MYO16: variants seen among roughly 807,000 people sequenced by gnomAD.
The protein encoded by MYO16 is unconventional myosin-XVI.
A neutral mutation model predicts 205.3 loss-of-function variants in MYO16; 94 were observed. The observed-to-expected ratio is 0.46, with a 90% CI of 0.39 to 0.54. The LOEUF (loss-of-function observed/expected upper bound fraction) is 0.54, where lower values mean the gene tolerates loss of function less well. Among genes scored for constraint, MYO16 ranks in the 20% least tolerant of loss-of-function variants. The probability of loss-of-function intolerance (pLI) is 0.00; values close to 1 mark genes in which losing one functional copy is unlikely to be tolerated. For synonymous variants in MYO16, 988 were observed against 954.0 expected (o/e 1.04, Z -0.66); for missense variants, 2,315 against 2,387.5 (o/e 0.97, Z 0.63).
At chr13:109,167,034 C>T (rs1167686013) in intron 33 of MYO16, 1 of 152,290 alleles carries the variant, frequency 6.6e-6, no homozygotes, top group Non-Finnish European at 1.5e-5. Context: ...TATTGGCAGG[C>T]CACAGAAGGT....
intron 4 of MYO16, among the ~76,000 whole-genome samples, chr13:108,737,937 A>G (rs1024740306): frequency 6.7e-4 from 102 of 152,028 alleles, no homozygotes; most frequent in African/African-American, 2.3e-3. Flanking sequence ...GGTGTTTATA[A>G]TATTCTCTGA....
chr13:108,635,958 A>G (rs985289312), intron 1 of MYO16, among the ~76,000 whole-genome samples: 1 of 151,956 alleles, frequency 6.6e-6, no homozygotes, highest in Admixed American at 6.5e-5. Flanking sequence ...AGTTTTCTAC[A>G]TCTTAATCTA....
At chr13:108,854,123 A>G (rs1298332495) in intron 10 of MYO16, among the ~76,000 whole-genome samples, 2 of 152,026 alleles carry the variant, frequency 1.3e-5, no homozygotes, top group African/African-American at 4.8e-5. Flanking sequence ...CTTCCTGAGT[A>G]GCTGAGATTA....
At chr13:108,822,039 C>G (rs963984543) in intron 8 of MYO16, among the ~76,000 whole-genome samples, 4 of 152,046 alleles carry the variant, frequency 2.6e-5, no homozygotes, top group Admixed American at 6.6e-5. Flanking sequence ...GAAGATAAAA[C>G]TAGATAAAAC....
Position 109,200,437 on chromosome 13 carries a change from T to G in MYO16, c.5416-6172T>G, listed in dbSNP as rs577161487. On this transcript the variant is annotated intron_variant, in intron 34 of 34. Coordinates refer to ENST00000457511, the MANE Select transcript of MYO16 (RefSeq NM_001198950.3). ...TTATTGCAAACATCAGTCAAATTTT[T>G]GCTTATCAAAGAACTATGCAAAGTT... Among the ~76,000 whole-genome samples, 418 of 152,300 alleles carry G rather than the reference T, an allele frequency of 2.7e-3. 1 individual carries two copies. Among genetic ancestry groups the G allele is most frequent in the Non-Finnish European group, 4.6e-3 (312 of 68,014 alleles).
intron 16 of MYO16, among the ~76,000 whole-genome samples, chr13:108,932,123 A>G (rs1398616670): frequency 2.0e-5 from 3 of 152,170 alleles, no homozygotes; most frequent in Non-Finnish European, 4.4e-5. Flanking sequence ...TTTAATTTCA[A>G]TGACTTTTGT....
chr13:108,768,814 G>A (rs988936488), intron 4 of MYO16, among the ~76,000 whole-genome samples: 1 of 152,052 alleles, frequency 6.6e-6, no homozygotes, highest in Non-Finnish European at 1.5e-5. Flanking sequence ...GCTTAAAATT[G>A]ACAAGTACTT....
At position 109,055,078 on chromosome 13, in the gene MYO16, T is replaced by C; in HGVS notation, c.3081T>C (p.Leu1027=). 6.3e-7 allele frequency: 1 copy of C among 1,585,828 alleles called. No homozygotes were observed. Among genetic ancestry groups the C allele is most frequent in the Non-Finnish European group, 8.6e-7 (1 of 1,168,084 alleles). Residue 1027 remains leucine (L), a synonymous_variant, in exon 26 of 35, where the codon CTT becomes CTC. Coordinates refer to ENST00000457511, the MANE Select transcript of MYO16 (RefSeq NM_001198950.3). The surrounding 1 kb of genome is among the most constrained non-coding windows in gnomAD (Gnocchi z 5.0). ...LLKKKGTSTF[L]QRLERGDPVT... is the part of the protein sequence containing the mutation. The stretch of plus-strand genomic sequence containing the variant: ...AAAAGAAAGGAACTTCTACATTTCT[T>C]CAAAGATTGGAACGAGGAGATCCAG...
At chr13:109,112,670 G>T (rs1398781494) in intron 28 of MYO16, among the ~76,000 whole-genome samples, 1 of 152,068 alleles carries the variant, frequency 6.6e-6, no homozygotes, top group Non-Finnish European at 1.5e-5. Context: ...CAGGAGAATT[G>T]CTTGAACCTG....
intron 16 of MYO16, among the ~76,000 whole-genome samples, chr13:108,911,731 G>A (rs1181232727): frequency 6.6e-6 from 1 of 152,202 alleles, no homozygotes; most frequent in Non-Finnish European, 1.5e-5. Context: ...TTCCCAGCTG[G>A]AACCAGAGAG....
chr13:109,074,117 T>C (rs541003008), intron 27 of MYO16, among the ~76,000 whole-genome samples: 1 of 152,312 alleles, frequency 6.6e-6, no homozygotes, highest in East Asian at 1.9e-4. Context: ...TTTAACAGTT[T>C]TATTGAAATG....
In MYO16 at chr13:108,733,722, G is replaced by T. The variant is rs1884598449; in HGVS notation, c.507+6139G>T. 2.6e-5 allele frequency among the ~76,000 whole-genome samples: 4 copies of T among 152,180 alleles called. No individual in the cohort carries two copies. The South Asian group carries it at 8.3e-4, about 31-fold the overall frequency. On this transcript the variant is annotated intron_variant, in intron 4 of 34. Coordinates refer to ENST00000457511, the MANE Select transcript of MYO16 (RefSeq NM_001198950.3). Reference sequence around the variant, plus strand: ...TCACACATGTAATCCCAGCACTTTGGGAGGCCGAGGTGGGCAGATTATGAG... The same window carrying T: ...TCACACATGTAATCCCAGCACTTTGTGAGGCCGAGGTGGGCAGATTATGAG...
intron 28 of MYO16, among the ~76,000 whole-genome samples, chr13:109,116,552 C>T (rs1159099424): frequency 6.6e-6 from 1 of 152,196 alleles, no homozygotes; most frequent in African/African-American, 2.4e-5. Flanking sequence ...CAATCCACTT[C>T]TCAACTACCG....
At chr13:109,085,058 G>A (rs1411297802) in intron 27 of MYO16, among the ~76,000 whole-genome samples, 3 of 152,170 alleles carry the variant, frequency 2.0e-5, no homozygotes, top group Non-Finnish European at 4.4e-5. Context: ...GTGCAGCACT[G>A]AGGGAGCATG....
At chr13:108,660,909 A>C (rs1881473853) in intron 1 of MYO16, among the ~76,000 whole-genome samples, 1 of 152,092 alleles carries the variant, frequency 6.6e-6, no homozygotes, top group African/African-American at 2.4e-5. Flanking sequence ...TTATGCTTTA[A>C]AGAGGTCCTG....
At chr13:109,015,857 T>C (rs958444813) in intron 22 of MYO16, among the ~76,000 whole-genome samples, 14 of 152,322 alleles carry the variant, frequency 9.2e-5, no homozygotes, top group African/African-American at 3.4e-4. Flanking sequence ...TCTCTTTTTT[T>C]CTTTATTAGT....
chr13:108,920,696 T>A (rs1881711158), intron 16 of MYO16, among the ~76,000 whole-genome samples: 1 of 152,224 alleles, frequency 6.6e-6, no homozygotes, highest in South Asian at 2.1e-4. Context: ...TTACCTCTGG[T>A]GATCTGCCCA....
At chr13:108,660,273 CT>C (rs1881445218) in intron 1 of MYO16, among the ~76,000 whole-genome samples, 1 of 152,124 alleles carries the variant, frequency 6.6e-6, no homozygotes, top group African/African-American at 2.4e-5. Flanking sequence ...GTTGACCAGT[CT>C]TTAGCTGTCA....
intron 21 of MYO16, among the ~76,000 whole-genome samples, chr13:109,000,239 AG>A (rs1217202006): frequency 2.6e-5 from 4 of 152,192 alleles, no homozygotes; most frequent in African/African-American, 9.6e-5. Context: ...GCTTTCATGT[AG>A]TTTTGTGCTA....
Sources: gnomAD v4.1 joint callset for allele counts (sites outside exome capture counted in the v4.1 genomes callset) on GRCh38, gnomAD v4.1.1 for gene constraint, Gnocchi (gnomAD v3.1) non-coding constraint, MANE v1.5 for transcripts, NCBI Gene and HGNC (gene_info 2026-07-23, HGNC 2026-07-21) for gene names.